Variants in VAV2 observed in about 807,000 individuals in gnomAD.
VAV2 encodes the protein vav guanine nucleotide exchange factor 2, also known as guanine nucleotide exchange factor VAV2.
VAV2 carries 67 observed loss-of-function variants against 132.5 expected under a neutral mutation model. That is an observed-to-expected ratio of 0.51 (90% CI 0.42 to 0.62). VAV2 has a LOEUF of 0.62. Ranked by LOEUF, VAV2 falls within the 20% of genes least tolerant of loss-of-function variation. The probability of loss-of-function intolerance (pLI) is 0.00; values close to 1 mark genes in which losing one functional copy is unlikely to be tolerated. For missense variants in VAV2, 938 were observed against 1,153.6 expected, an observed-to-expected ratio of 0.81 and a Z score of 2.71; for synonymous variants, 492 against 443.5, an observed-to-expected ratio of 1.11 and a Z score of -1.37.
At chr9:133,974,285 C>A (rs1187411128) in intron 1 of VAV2, among the ~76,000 whole-genome samples, 1 of 152,124 alleles carries the variant, frequency 6.6e-6, no homozygotes, top group African/African-American at 2.4e-5. Flanking sequence ...AATACCCAGG[C>A]CCACCACAAC....
chr9:133,924,129 T>TA (rs1840389575), intron 2 of VAV2, among the ~76,000 whole-genome samples: 2 of 152,114 alleles, frequency 1.3e-5, no homozygotes, highest in African/African-American at 4.8e-5. Context: ...CCCTAAAACT[T>TA]AAAGTATAAT....
chr9:133,795,145 T>C (rs563462969), intron 12 of VAV2, among the ~76,000 whole-genome samples: 2 of 152,286 alleles, frequency 1.3e-5, no homozygotes, highest in African/African-American at 4.8e-5. Flanking sequence ...GCCTGCTTCA[T>C]GGGCAGAGGG....
At chr9:133,770,250 C>A in intron 27 of VAV2, 128 bp downstream of exon 27, 2 of 1,427,784 alleles carry the variant, frequency 1.4e-6, no homozygotes, top group African/African-American at 1.4e-5. Context: ...GGGGGAGGGG[C>A]GGGGGCTGTG....
intron 2 of VAV2, among the ~76,000 whole-genome samples, chr9:133,880,736 G>A (rs1412927661): frequency 1.3e-5 from 2 of 152,308 alleles, no homozygotes; most frequent in Admixed American, 6.5e-5. Context: ...GGTATGGATG[G>A]GGGACCCGGG....
chr9:133,991,923 G>A lies in VAV2; in HGVS notation c.204+152C>T, dbSNP rs1843034762. 2 of 521,788 alleles carry A rather than the reference G, an allele frequency of 3.8e-6. No individual in the cohort carries two copies. Among genetic ancestry groups the A allele is most frequent in the Non-Finnish European group, 5.1e-6 (2 of 392,856 alleles). 32.3% of individuals were successfully genotyped at this position (521,788 alleles called of 1,614,324 possible). A position where few individuals can be genotyped will look rare whatever the true frequency, so the allele number is the denominator to read the frequency against. On this transcript the variant is annotated intron_variant, in intron 1 of 29. Transcript: ENST00000371850. The surrounding 1 kb of genome is among the most constrained non-coding windows in gnomAD (Gnocchi z 4.8). ...TGAGGTCGCGTCTCGGAGGCCCGGG[G>A]CGCACCCTCCAGCCGCCCGCCCGCG...
chr9:133,808,025 C>T (rs974279468), intron 7 of VAV2, among the ~76,000 whole-genome samples: 3 of 152,244 alleles, frequency 2.0e-5, no homozygotes, highest in South Asian at 4.1e-4. Context: ...CAGAGAGCAT[C>T]GCCCAAGCAA....
rs1838599708 is a variant in VAV2, at chr9:133,883,934, GAC to G, written c.322-22504_322-22503del. Among the ~76,000 whole-genome samples the G allele has an allele frequency of 6.6e-6, 1 of 152,176 alleles. No individual in the cohort carries two copies. The highest frequency in any genetic ancestry group is 2.4e-5 in the African/African-American group (1 of 41,442). ...GCAGATCACAAGGTCAGGAGATCAA[GAC>G]CATCTTGATCAATATGGTGAAACCC... On this transcript the variant is annotated intron_variant, in intron 2 of 29. Coordinates refer to ENST00000371850, the MANE Select transcript of VAV2 (RefSeq NM_001134398.2). This position sits in a 1 kb window ranked among gnomAD's most constrained non-coding sequence, Gnocchi z 4.2.
chr9:133,771,150 G>A (rs938097552), intron 26 of VAV2, among the ~76,000 whole-genome samples: 3 of 140,990 alleles, frequency 2.1e-5, no homozygotes, highest in Non-Finnish European at 4.5e-5. Flanking sequence ...TGCAATCTCC[G>A]CCTCCTGGGT....
chr9:133,789,154 C>A, intron 14 of VAV2, 104 bp downstream of exon 14: 1 of 1,259,068 alleles, frequency 7.9e-7, no homozygotes, highest in Non-Finnish European at 1.1e-6. Context: ...CAGCTCTTTC[C>A]ACAGGAAGGC....
At chr9:133,864,883 C>G (rs959857870) in intron 2 of VAV2, among the ~76,000 whole-genome samples, 2 of 152,194 alleles carry the variant, frequency 1.3e-5, no homozygotes, top group Non-Finnish European at 2.9e-5. Flanking sequence ...AAAGGGCATG[C>G]GGTCTGTGAG....
intron 2 of VAV2, among the ~76,000 whole-genome samples, chr9:133,892,916 C>T (rs745685856): frequency 3.3e-5 from 5 of 152,182 alleles, no homozygotes; most frequent in Non-Finnish European, 5.9e-5. Flanking sequence ...GGAACTTGCC[C>T]GAGCCCACCC....
intron 4 of VAV2, among the ~76,000 whole-genome samples, chr9:133,812,980 C>T (rs989347291): frequency 1.3e-5 from 2 of 152,196 alleles, no homozygotes; most frequent in African/African-American, 2.4e-5. Flanking sequence ...TGAGTGGCAG[C>T]GGATGAGCCT....
intron 1 of VAV2, among the ~76,000 whole-genome samples, chr9:133,981,433 C>T (rs1842690181): frequency 6.6e-6 from 1 of 152,212 alleles, no homozygotes; most frequent in African/African-American, 2.4e-5. Context: ...AAGAGAGCCA[C>T]TCCCTCAGGC....
At chr9:133,936,486 G>A (rs1317662688) in intron 2 of VAV2, among the ~76,000 whole-genome samples, 2 of 151,994 alleles carry the variant, frequency 1.3e-5, no homozygotes, top group African/African-American at 4.8e-5. Context: ...CAAATGATCC[G>A]CCCACCTCAG....
intron 24 of VAV2, among the ~76,000 whole-genome samples, chr9:133,775,818 G>A (rs1564333473): frequency 6.6e-6 from 1 of 152,232 alleles, no homozygotes; most frequent in African/African-American, 2.4e-5. Flanking sequence ...GCCTACAGGA[G>A]AAGGACTCCC....
chr9:133,973,066 G>A (rs1245337655), intron 1 of VAV2, among the ~76,000 whole-genome samples: 2 of 152,026 alleles, frequency 1.3e-5, no homozygotes, highest in African/African-American at 2.4e-5. Flanking sequence ...GAACGGTAAG[G>A]AATCCCCAGG....
chr9:133,791,238 A>C (rs1019453743), intron 13 of VAV2, among the ~76,000 whole-genome samples: 3 of 152,124 alleles, frequency 2.0e-5, no homozygotes, highest in Non-Finnish European at 4.4e-5. Flanking sequence ...TCGGTAGCCC[A>C]AGCCTGGCCT....
intron 2 of VAV2, among the ~76,000 whole-genome samples, chr9:133,893,911 C>G: frequency 6.6e-6 from 1 of 152,182 alleles, no homozygotes; most frequent in Non-Finnish European, 1.5e-5. Context: ...CTGGACCTCA[C>G]GGATCCTCAC....
intron 2 of VAV2, among the ~76,000 whole-genome samples, chr9:133,904,775 A>G (rs1839579648): frequency 6.6e-6 from 1 of 152,236 alleles, no homozygotes; most frequent in African/African-American, 2.4e-5. Flanking sequence ...GGCCCCGTGA[A>G]GCTCACCTCC....
Sources: allele counts gnomAD v4.1 joint callset (sites outside exome capture counted in the v4.1 genomes callset), GRCh38; gene constraint gnomAD v4.1.1; non-coding constraint Gnocchi (gnomAD v3.1); transcripts MANE v1.5; gene names NCBI Gene and HGNC (gene_info 2026-07-23, HGNC 2026-07-21).